Variants in ATAT1 observed in about 807,000 individuals in gnomAD.
ATAT1 encodes the protein alpha tubulin acetyltransferase 1.
In ATAT1, 42 loss-of-function variants were observed where a neutral mutation model predicts 57.2. That is an observed-to-expected ratio of 0.73 (90% confidence interval 0.57 to 0.95). The LOEUF (loss-of-function observed/expected upper bound fraction) is 0.95, where lower values mean the gene tolerates loss of function less well. ATAT1 is among the 40% of genes least tolerant of loss of function. The pLI is 0.00. For synonymous variants in ATAT1, 168 were observed against 187.1 expected (o/e 0.90, Z 0.83); for missense variants, 454 against 523.7 (o/e 0.87, Z 1.30).
chr6:30,643,759 C>A, intron 10 of ATAT1: 1 of 1,362,000 alleles, frequency 7.3e-7, no homozygotes, highest in Non-Finnish European at 9.5e-7. Flanking sequence ...CTTTTCTTAA[C>A]ACAAAAGCAC....
chr6:30,643,656 C>T (rs1314363259), intron 10 of ATAT1: 1 of 1,542,720 alleles, frequency 6.5e-7, no homozygotes. Flanking sequence ...TCCTGTAGGA[C>T]CCAGTGGAAC....
chr6:30,631,051 A>G (rs889027197), intron 6 of ATAT1, among the ~76,000 whole-genome samples: 1 of 152,230 alleles, frequency 6.6e-6, no homozygotes, highest in Non-Finnish European at 1.5e-5. Flanking sequence ...AATATGGTTA[A>G]TAAGTGCTCT....
chr6:30,646,312 C>CT, intron 12 of ATAT1, 157 bp from the exon 13 acceptor site: 1 of 1,448,236 alleles, frequency 6.9e-7, no homozygotes. Context: ...TACGGATTCT[C>CT]TGAGAGGTTT....
At position 30,642,833 on chromosome 6, in the gene ATAT1, G is replaced by GGGGCCC; in HGVS notation, c.754_755insGGGCCC (p.Ala252delinsGlyAlaPro). Reference sequence around the variant, plus strand: ...GGCCCCTCGCCGCGCCACACCTCCAGCCCACCCACCCCCCCGCTCCAGCAG... The same window carrying GGGGCCC: ...GGCCCCTCGCCGCGCCACACCTCCAGGGGCCCCCCACCCACCCCCCCGCTCCAGCAG... On this transcript the variant is annotated protein_altering_variant, in exon 10 of 13. Transcript: ENST00000330083. 2.6e-6 allele frequency: 4 copies of GGGGCCC among 1,537,854 alleles called. No individual in the cohort carries two copies. The highest frequency in any genetic ancestry group is 2.6e-6 in the Non-Finnish European group (3 of 1,145,764).
chr6:30,642,569 G>A (rs1045938946), intron 9 of ATAT1, among the ~76,000 whole-genome samples, 199 bp from the exon 10 acceptor site: 4 of 151,946 alleles, frequency 2.6e-5, no homozygotes, highest in African/African-American at 9.7e-5. Flanking sequence ...CTTGAACCCA[G>A]GAGGCGGAAG....
At position 30,640,440 on chromosome 6, in the gene ATAT1, G is replaced by C; in HGVS notation, c.547+18G>C. On this transcript the variant is annotated intron_variant, in intron 7 of 12. Transcript: ENST00000330083. Reference sequence around the variant, plus strand: ...TCAACATCGTAAGTTTTTGCATTTTGTTGGTCACGTAGTCGGGGTGAGGGA... The same window carrying C: ...TCAACATCGTAAGTTTTTGCATTTTCTTGGTCACGTAGTCGGGGTGAGGGA... 6.2e-7 allele frequency: 1 copy of C among 1,613,008 alleles called. No homozygotes were observed. The highest frequency in any genetic ancestry group is 8.5e-7 in the Non-Finnish European group (1 of 1,180,028).
rs1016950611 is a variant in ATAT1 at position 30,627,727 on chromosome 6, C to T, written c.224C>T (p.Pro75Leu). 5 of 1,611,986 alleles carry T rather than the reference C, an allele frequency of 3.1e-6. No individual in the cohort carries two copies. Among genetic ancestry groups the T allele is most frequent in the Non-Finnish European group, 4.2e-6 (5 of 1,179,150 alleles). The change falls in exon 3 of 13, where the codon CCG (proline) becomes CTG (leucine). Residue 75 changes from proline to leucine, a missense_variant and splice_region_variant. Coordinates refer to ENST00000330083, the MANE Select transcript of ATAT1 (RefSeq NM_001031722.4). ...ATTCTCAAAGACAGTTCAGCCCGACCGTGAGTGCCACATGCTCTTCCATCC... is the reference window on the plus strand; with the variant it reads ...ATTCTCAAAGACAGTTCAGCCCGACTGTGAGTGCCACATGCTCTTCCATCC...
At chr6:30,638,031 C>A (rs993601670) in intron 6 of ATAT1, among the ~76,000 whole-genome samples, 1 of 152,092 alleles carries the variant, frequency 6.6e-6, no homozygotes, top group Non-Finnish European at 1.5e-5. Context: ...GCGCCCACCA[C>A]TATGGCTGGC....
chr6:30,630,410 C>T (rs954906025), intron 6 of ATAT1, among the ~76,000 whole-genome samples: 1 of 151,830 alleles, frequency 6.6e-6, no homozygotes, highest in South Asian at 2.1e-4. Flanking sequence ...CTGACGTGGG[C>T]GAATCACTTG....
chr6:30,646,677 TTCTC>T lies in ATAT1; in HGVS notation c.*35_*38del. Reference sequence around the variant, plus strand: ...CCGTCAAACATCTTCAAAGTATTATTTCTCCCTCACTACAGGAAAGAGCCAAAGC... The same window carrying T: ...CCGTCAAACATCTTCAAAGTATTATTCCTCACTACAGGAAAGAGCCAAAGC... On this transcript the variant is annotated 3_prime_UTR_variant, in exon 13 of 13. Transcript: ENST00000330083. 6.6e-7 allele frequency: 1 copy of T among 1,510,144 alleles called. No homozygotes were observed. Among genetic ancestry groups the T allele is most frequent in the Non-Finnish European group, 8.9e-7 (1 of 1,122,914 alleles). 93.5% of individuals were successfully genotyped at this position (1,510,144 alleles called of 1,614,324 possible).
At chr6:30,645,868 C>T in intron 10 of ATAT1, 27 bp from the exon 11 acceptor site, 1 of 1,451,110 alleles carries the variant, frequency 6.9e-7, no homozygotes. Flanking sequence ...GTAGCCTCCT[C>T]CCCATCATCT....
intron 8 of ATAT1, chr6:30,641,913 C>T (rs1765530325): frequency 1.5e-6 from 2 of 1,290,858 alleles, no homozygotes; most frequent in Admixed American, 3.4e-5. Flanking sequence ...CTGCATCTCC[C>T]AGGCCCCCAG....
In ATAT1 at chr6:30,640,369, T is replaced by C. The variant is rs367543965; in HGVS notation, c.502-8T>C. 10 of 1,613,024 alleles carry C rather than the reference T, an allele frequency of 6.2e-6. No individual in the cohort carries two copies. The African/African-American group carries it at 8.0e-5, about 13-fold the overall frequency. On this transcript the variant is annotated splice_region_variant and splice_polypyrimidine_tract_variant and intron_variant, in intron 6 of 12. Transcript: ENST00000330083. ...GCATGATTGTATTTTGTTTGTTTCA[T>C]CTTCCAGGTGAACAACTTTGTGATC...
chr6:30,645,520 A>G (rs1766534361), intron 10 of ATAT1, among the ~76,000 whole-genome samples: 1 of 152,120 alleles, frequency 6.6e-6, no homozygotes, highest in Non-Finnish European at 1.5e-5. Context: ...AGCCTGGTCT[A>G]AGGAATCTTA....
In ATAT1 at chr6:30,642,162, C is replaced by T. The variant is rs202233059; in HGVS notation, c.617-14C>T. ...TCCTAACGCTTACCCTGCCTATGTC[C>T]CCTCCACTGCCAGCTCCAGCAAGGA... On this transcript the variant is annotated splice_polypyrimidine_tract_variant and intron_variant, in intron 8 of 12. Transcript: ENST00000330083. 1.4e-4 allele frequency: 232 copies of T among 1,613,994 alleles called. No individual in the cohort carries two copies. The highest frequency in any genetic ancestry group is 2.5e-4 in the Admixed American group (15 of 60,000).
rs770837643 is a variant in ATAT1 at position 30,645,900 on chromosome 6, C to T, written c.938C>T (p.Thr313Ile). 9 of 1,490,094 alleles carry T rather than the reference C, an allele frequency of 6.0e-6. No homozygotes were observed. The highest frequency in any genetic ancestry group is 8.0e-6 in the Non-Finnish European group (9 of 1,121,144). The allele number at this position is 1,490,094 out of a possible 1,614,324, so 92.3% of individuals were successfully genotyped here. ...ATCTCCCATTTCTTCTACAGGGGGA[C>T]TCCCCCAGGTCTGGTAGCCCAAAGC... The change falls in exon 11 of 13, where the codon ACT (threonine) becomes ATT (isoleucine). Residue 313 changes from threonine (T) to isoleucine (I), a missense_variant. Thr to Ile is a moderately conservative substitution (Grantham distance 89, BLOSUM62 -1). Transcript: ENST00000330083.
chr6:30,633,784 G>T, intron 6 of ATAT1: 1 of 179,604 alleles, frequency 5.6e-6, no homozygotes, highest in South Asian at 1.4e-4. Context: ...CGAGGTAGAT[G>T]AAGAAGAGGA....
At chr6:30,640,879 A>G (rs927336566) in intron 8 of ATAT1, among the ~76,000 whole-genome samples, 1 of 152,204 alleles carries the variant, frequency 6.6e-6, no homozygotes, top group African/African-American at 2.4e-5. Flanking sequence ...GGCCAGAGTC[A>G]GGCTCCTTTG....
At chr6:30,644,201 G>A in intron 10 of ATAT1, 1 of 985,860 alleles carries the variant, frequency 1.0e-6, no homozygotes, top group Non-Finnish European at 1.2e-6. Flanking sequence ...TGTTGCTTTG[G>A]GGTCTCTAAA....
Sources: allele counts gnomAD v4.1 joint callset (sites outside exome capture counted in the v4.1 genomes callset), GRCh38; gene constraint gnomAD v4.1.1; transcripts MANE v1.5; gene names NCBI Gene and HGNC (gene_info 2026-07-23, HGNC 2026-07-21).